Variants in RAPH1 observed in about 807,000 individuals in gnomAD.
The protein encoded by RAPH1 is Ras association (RalGDS/AF-6) and pleckstrin homology domains 1, also known as ras-associated and pleckstrin homology domains-containing protein 1.
A neutral mutation model predicts 88.1 loss-of-function variants in RAPH1; 18 were observed. The observed-to-expected ratio is 0.20, with a 90% CI of 0.14 to 0.30. The LOEUF (loss-of-function observed/expected upper bound fraction) is 0.30, where lower values mean the gene tolerates loss of function less well. Among genes scored for constraint, RAPH1 ranks in the 10% least tolerant of loss-of-function variants. The probability of loss-of-function intolerance (pLI) is 1.00; values close to 1 mark genes in which losing one functional copy is unlikely to be tolerated. For missense variants in RAPH1, 1,448 were observed against 1,543.2 expected (o/e 0.94, Z 1.03); for synonymous variants, 587 against 559.0 (o/e 1.05, Z -0.71).
chr2:203,499,542 T>C (rs1255749746), intron 1 of RAPH1, among the ~76,000 whole-genome samples: 1 of 151,846 alleles, frequency 6.6e-6, no homozygotes, highest in Non-Finnish European at 1.5e-5. Flanking sequence ...GCCAAGATAG[T>C]GAAACCCCGT....
intron 1 of RAPH1, among the ~76,000 whole-genome samples, chr2:203,532,565 G>C (rs1219696349): frequency 1.3e-5 from 2 of 152,138 alleles, no homozygotes; most frequent in Non-Finnish European, 2.9e-5. Context: ...CTTATTGTCT[G>C]TGCCTATTTT....
intron 1 of RAPH1, among the ~76,000 whole-genome samples, chr2:203,526,620 G>T (rs1434643987): frequency 1.3e-5 from 2 of 150,308 alleles, no homozygotes; most frequent in Non-Finnish European, 3.0e-5. Flanking sequence ...AGCTACTTGG[G>T]AGGCTGAGGC....
At position 203,460,118 on chromosome 2, in the gene RAPH1, CCA is replaced by C. The variant is rs1235919194; in HGVS notation, c.971-92_971-91del. On this transcript the variant is annotated intron_variant, in intron 6 of 13. Transcript: ENST00000319170. ...CTTTGTGAAGTAGTTAACCTCAGAA[CCA>C]CATAATCTTAACCGACATTTTAGCA... 25 of 1,151,526 alleles carry C rather than the reference CCA, an allele frequency of 2.2e-5. No homozygotes were observed. In the African/African-American group the frequency reaches 4.0e-4, roughly 18 times the overall value. 71.3% of individuals were successfully genotyped at this position (1,151,526 alleles called of 1,614,324 possible).
intron 5 of RAPH1, 150 bp from the exon 6 acceptor site, chr2:203,461,558 A>AAAATC: frequency 2.2e-6 from 1 of 461,430 alleles, no homozygotes; most frequent in South Asian, 4.1e-5. Flanking sequence ...ATATAGGCTA[A>AAAATC]AAATCAGACA....
chr2:203,457,494 A>C, intron 8 of RAPH1, 36 bp downstream of exon 8: 1 of 1,571,350 alleles, frequency 6.4e-7, no homozygotes, highest in Non-Finnish European at 8.8e-7. Flanking sequence ...TAATATTTTA[A>C]TTTTTAAATG....
At chr2:203,534,649 G>A (rs948671197) in intron 1 of RAPH1, among the ~76,000 whole-genome samples, 1 of 151,940 alleles carries the variant, frequency 6.6e-6, no homozygotes, top group Non-Finnish European at 1.5e-5. Flanking sequence ...AAGGAGCCCC[G>A]CCTTTCAAAA....
chr2:203,478,235 A>C (rs774904648), intron 4 of RAPH1, among the ~76,000 whole-genome samples: 5 of 151,734 alleles, frequency 3.3e-5, no homozygotes, highest in African/African-American at 7.3e-5. Flanking sequence ...GGGGTTTCAC[A>C]GTGTTAGCTA....
intron 13 of RAPH1, 117 bp from the exon 14 acceptor site, chr2:203,441,530 A>G (rs1399804532): frequency 1.4e-6 from 2 of 1,401,832 alleles, no homozygotes; most frequent in African/African-American, 2.9e-5. Context: ...CATGCATGAA[A>G]AGGATGCAGA....
chr2:203,491,529 T>C (rs866866844), intron 2 of RAPH1, among the ~76,000 whole-genome samples: 13 of 151,344 alleles, frequency 8.6e-5, no homozygotes, highest in Middle Eastern at 3.4e-3. Context: ...TATGCTTACT[T>C]TTTTTTTTGG....
intron 4 of RAPH1, among the ~76,000 whole-genome samples, chr2:203,464,345 C>T (rs1330239395): frequency 1.3e-5 from 2 of 152,182 alleles, no homozygotes; most frequent in Non-Finnish European, 2.9e-5. Context: ...GATCTTGGCT[C>T]ACTGCAACCT....
chr2:203,497,171 T>C (rs1421906032), intron 1 of RAPH1, among the ~76,000 whole-genome samples: 2 of 152,234 alleles, frequency 1.3e-5, no homozygotes, highest in Non-Finnish European at 2.9e-5. Flanking sequence ...TCCACTCTTC[T>C]GCTATGCAAG....
At chr2:203,482,835 A>G (rs1687791415) in intron 4 of RAPH1, among the ~76,000 whole-genome samples, 1 of 152,108 alleles carries the variant, frequency 6.6e-6, no homozygotes, top group Non-Finnish European at 1.5e-5. Context: ...ACAAAACAAA[A>G]AAAAGGTAAT....
intron 1 of RAPH1, among the ~76,000 whole-genome samples, chr2:203,497,252 T>A (rs1341182037): frequency 6.6e-6 from 1 of 152,216 alleles, no homozygotes; most frequent in African/African-American, 2.4e-5. Context: ...GCCAGTGTTT[T>A]AATAATGTAC....
intron 4 of RAPH1, among the ~76,000 whole-genome samples, chr2:203,486,093 C>CAAAAAAAAA (rs59599120): frequency 1.6e-5 from 2 of 121,868 alleles, no homozygotes. Context: ...CTGAAGACTA[C>CAAAAAAAAA]AAAAAAAAAA....
chr2:203,439,641 T>G lies in RAPH1; in HGVS notation c.3549A>C (p.Ser1183=). The change falls in exon 14 of 14, where the codon TCA becomes TCC. Residue 1183 remains serine, a synonymous_variant. Transcript: ENST00000319170. ...LQRKSITRHG[S]LSSRMSRAEP... ...CTGCTCTGGACATGCGGGAGGAGAG[T>G]GAGCCGTGCCGAGTGATGGACTTTC... is the stretch of plus-strand genomic sequence containing the variant. 1 of 1,613,216 alleles carries G rather than the reference T, an allele frequency of 6.2e-7. No homozygotes were observed. Among genetic ancestry groups the G allele is most frequent in the Non-Finnish European group, 8.5e-7 (1 of 1,179,770 alleles).
intron 4 of RAPH1, among the ~76,000 whole-genome samples, chr2:203,471,652 C>T (rs1206430598): frequency 1.3e-5 from 2 of 151,744 alleles, no homozygotes; most frequent in African/African-American, 4.8e-5. Flanking sequence ...AGATAAAATA[C>T]ACTACTTCAA....
chr2:203,528,072 G>A (rs1690206065), intron 1 of RAPH1, among the ~76,000 whole-genome samples: 1 of 152,054 alleles, frequency 6.6e-6, no homozygotes, highest in Non-Finnish European at 1.5e-5. Flanking sequence ...TAAAGATGAA[G>A]TAAGCATTTA....
chr2:203,481,125 T>C (rs1374346547), intron 4 of RAPH1, among the ~76,000 whole-genome samples: 2 of 152,208 alleles, frequency 1.3e-5, no homozygotes, highest in Non-Finnish European at 2.9e-5. Flanking sequence ...GGGATGCTAT[T>C]ACATACATCT....
chr2:203,531,245 T>A (rs1346784181), intron 1 of RAPH1, among the ~76,000 whole-genome samples: 1 of 151,922 alleles, frequency 6.6e-6, no homozygotes, highest in South Asian at 2.1e-4. Flanking sequence ...ATTTAAAACT[T>A]TTGTGTTTGG....
Sources: gnomAD v4.1 joint callset for allele counts (sites outside exome capture counted in the v4.1 genomes callset) on GRCh38, gnomAD v4.1.1 for gene constraint, MANE v1.5 for transcripts, NCBI Gene and HGNC (gene_info 2026-07-23, HGNC 2026-07-21) for gene names.